Variants in AGAP1 observed in about 807,000 individuals in gnomAD.
The protein encoded by AGAP1 is ArfGAP with GTPase domain, ankyrin repeat and PH domain 1, also known as arf-GAP with GTPase, ANK repeat and PH domain-containing protein 1.
In AGAP1, 29 loss-of-function variants were observed where a neutral mutation model predicts 105.3. The ratio of observed to expected loss-of-function variants is 0.28; its 90% CI spans 0.21 to 0.38. The LOEUF (loss-of-function observed/expected upper bound fraction) is 0.38. Ranked by LOEUF, AGAP1 falls within the 10% of genes least tolerant of loss-of-function variation. AGAP1 has a pLI of 1.00. For synonymous variants in AGAP1, 509 were observed against 485.9 expected (o/e 1.05, Z -0.63); for missense variants, 998 against 1,165.1 (o/e 0.86, Z 2.09).
At chr2:236,017,950 C>T (rs187486744) in intron 13 of AGAP1, among the ~76,000 whole-genome samples, 14 of 152,174 alleles carry the variant, frequency 9.2e-5, no homozygotes, top group Admixed American at 7.2e-4. Context: ...CACAGATCCA[C>T]GTGGAAGGAG....
rs950127439 is a variant in AGAP1 at position 235,692,189 on chromosome 2, A to G, written c.164-16990A>G. On this transcript the variant is annotated intron_variant, in intron 1 of 17. Transcript: ENST00000304032. The surrounding 1 kb of genome is among the most constrained non-coding windows in gnomAD (Gnocchi z 5.8). Reference sequence around the variant, plus strand: ...CGGGGGCTCCCTGGCAGATGCCCCTACCTGGCCAGGTCTCGTCGTGTCTAG... The same window carrying G: ...CGGGGGCTCCCTGGCAGATGCCCCTGCCTGGCCAGGTCTCGTCGTGTCTAG... Among the ~76,000 whole-genome samples, 2 of 152,020 alleles carry G rather than the reference A, an allele frequency of 1.3e-5. No homozygotes were observed. Among genetic ancestry groups the G allele is most frequent in the African/African-American group, 4.8e-5 (2 of 41,400 alleles).
intron 16 of AGAP1, chr2:236,072,451 A>G (rs2058527067): frequency 6.6e-6 from 1 of 152,048 alleles, no homozygotes; most frequent in South Asian, 2.1e-4. Flanking sequence ...CTCAAAAAAA[A>G]AAAAAGAGAT....
intron 11 of AGAP1, among the ~76,000 whole-genome samples, chr2:235,916,014 C>A (rs1283062215): frequency 6.6e-6 from 1 of 152,076 alleles, no homozygotes; most frequent in Non-Finnish European, 1.5e-5. Context: ...ATATTCCCTC[C>A]TAAGGACAAA....
Position 235,882,384 on chromosome 2 carries a change from T to C in AGAP1, c.1051-961T>C, listed in dbSNP as rs1056558491. The C allele has an allele frequency of 3.9e-6, 6 of 1,535,960 alleles. No individual in the cohort carries two copies. The highest frequency in any genetic ancestry group is 3.5e-5 in the Admixed American group (2 of 57,568). On this transcript the variant is annotated intron_variant, in intron 9 of 17. Coordinates refer to ENST00000304032, the MANE Select transcript of AGAP1 (RefSeq NM_001037131.3). This position sits in a 1 kb window ranked among gnomAD's most constrained non-coding sequence, Gnocchi z 4.6. ...CTCTTAGGAAATTTCACTCCGCTTC[T>C]GCCCAGTGGTCTCTTTGGTCGGCAG...
chr2:236,097,453 C>T (rs543912343), intron 16 of AGAP1, among the ~76,000 whole-genome samples: 2 of 119,880 alleles, frequency 1.7e-5, no homozygotes, highest in African/African-American at 3.2e-5. Flanking sequence ...AGTGCAGTGG[C>T]GCGACCTTGG....
intron 3 of AGAP1, among the ~76,000 whole-genome samples, chr2:235,730,477 T>TAAAAAA (rs11388954): frequency 3.2e-5 from 4 of 123,890 alleles, no homozygotes; most frequent in South Asian, 2.8e-4. Flanking sequence ...GTTTACCTTT[T>TAAAAAA]AAAAAAAAAA....
chr2:235,981,375 T>A lies in AGAP1; in HGVS notation c.1645+12752T>A, dbSNP rs2055087449. On this transcript the variant is annotated intron_variant, in intron 13 of 17. Transcript: ENST00000304032. This position sits in a 1 kb window ranked among gnomAD's most constrained non-coding sequence, Gnocchi z 5.5. ...TTCAGTTGGTTTTCTGCAGAAGCCA[T>A]GATATACTGTAGGCATGGTTACCAG... Among the ~76,000 whole-genome samples the A allele has an allele frequency of 6.6e-6, 1 of 152,084 alleles. No homozygotes were observed.
At chr2:235,542,217 C>G (rs970824873) in intron 1 of AGAP1, among the ~76,000 whole-genome samples, 4 of 149,168 alleles carry the variant, frequency 2.7e-5, no homozygotes, top group South Asian at 2.2e-4. Flanking sequence ...CAGTGGGTCC[C>G]GGGGGGGGGC....
rs143315141 is a variant in AGAP1 at position 235,604,184 on chromosome 2, A to G, written c.164-104995A>G. Among the ~76,000 whole-genome samples the G allele has an allele frequency of 6.5e-3, 983 of 152,168 alleles. 11 individuals carry two copies. Among genetic ancestry groups the G allele is most frequent in the African/African-American group, 0.023 (956 of 41,488 alleles). ...TTGGTTCAGATGTATCATTCCTCCA[A>G]TTGGCATATATAAAAAGAATAGTGT... On this transcript the variant is annotated intron_variant, in intron 1 of 17. Transcript: ENST00000304032.
Position 235,705,760 on chromosome 2 carries a change from A to G in AGAP1, c.164-3419A>G, listed in dbSNP as rs1382048207. Among the ~76,000 whole-genome samples the G allele has an allele frequency of 1.3e-5, 2 of 152,240 alleles. No homozygotes were observed. Among genetic ancestry groups the G allele is most frequent in the African/African-American group, 2.4e-5 (1 of 41,474 alleles). ...CATTTATTTTATTACTCTTATTGCC[A>G]CAAACACAAATATGTTCCATTCAAG... On this transcript the variant is annotated intron_variant, in intron 1 of 17. Coordinates refer to ENST00000304032, the MANE Select transcript of AGAP1 (RefSeq NM_001037131.3). The surrounding 1 kb of genome is among the most constrained non-coding windows in gnomAD (Gnocchi z 4.9).
Position 236,040,977 on chromosome 2 carries a change from T to A in AGAP1, c.1891+136T>A. 4.6e-5 allele frequency: 33 copies of A among 724,148 alleles called. No individual in the cohort carries two copies. The highest frequency in any genetic ancestry group is 6.7e-5 in the Non-Finnish European group (29 of 434,062). The allele number at this position is 724,148 out of a possible 1,614,324, so 44.9% of individuals were successfully genotyped here. ...GTTAACTGCTTTTAGGAAATTGAGATATTTTGTTTGGATTTTACCTTAACA... is the reference window on the plus strand; with the variant it reads ...GTTAACTGCTTTTAGGAAATTGAGAAATTTTGTTTGGATTTTACCTTAACA... On this transcript the variant is annotated intron_variant, in intron 15 of 17. Transcript: ENST00000304032. The surrounding 1 kb of genome is among the most constrained non-coding windows in gnomAD (Gnocchi z 5.6).
intron 12 of AGAP1, among the ~76,000 whole-genome samples, chr2:235,968,088 A>G (rs2054482375): frequency 6.6e-6 from 1 of 152,244 alleles, no homozygotes; most frequent in South Asian, 2.1e-4. Context: ...TCTTAAATGC[A>G]TCGTTTTCAT....
chr2:235,788,718 T>C lies in AGAP1; in HGVS notation c.674-9041T>C, dbSNP rs1439511706. Among the ~76,000 whole-genome samples the C allele has an allele frequency of 1.3e-5, 2 of 152,036 alleles. No homozygotes were observed. The highest frequency in any genetic ancestry group is 2.9e-5 in the Non-Finnish European group (2 of 67,994). On this transcript the variant is annotated intron_variant, in intron 6 of 17. Transcript: ENST00000304032. The surrounding 1 kb of genome is among the most constrained non-coding windows in gnomAD (Gnocchi z 6.0). The stretch of plus-strand genomic sequence containing the variant: ...CCGAGGGTTCTCCAGACAGGATCAT[T>C]TGGAGCCCCTTCTTTCCCAAATGGT...
At chr2:236,013,058 A>G (rs2317303) in intron 13 of AGAP1, among the ~76,000 whole-genome samples, 99,806 of 152,084 alleles carry the variant, frequency 0.66, 34,153 homozygotes, top group African/African-American at 0.85. Context: ...TGATTTTCAC[A>G]CTGCAAAGGA....
rs2054335180 is a variant in AGAP1 at position 235,965,048 on chromosome 2, C to T, written c.1484-3414C>T. 6.6e-6 allele frequency among the ~76,000 whole-genome samples: 1 copy of T among 152,182 alleles called. No homozygotes were observed. The highest frequency in any genetic ancestry group is 6.5e-5 in the Admixed American group (1 of 15,284). The stretch of plus-strand genomic sequence containing the variant: ...GTCATAGTGCAGGCTCAGGGGGTCT[C>T]AGGACTGCTGGCTACACCTCGGGTA... On this transcript the variant is annotated intron_variant, in intron 12 of 17. Coordinates refer to ENST00000304032, the MANE Select transcript of AGAP1 (RefSeq NM_001037131.3). This position sits in a 1 kb window ranked among gnomAD's most constrained non-coding sequence, Gnocchi z 5.8.
At chr2:235,812,486 C>T (rs1289371624) in intron 9 of AGAP1, among the ~76,000 whole-genome samples, 1 of 152,198 alleles carries the variant, frequency 6.6e-6, no homozygotes, top group Non-Finnish European at 1.5e-5. Flanking sequence ...TTGTCTGGTA[C>T]CTGGGATCAA....
intron 9 of AGAP1, among the ~76,000 whole-genome samples, chr2:235,840,287 C>T (rs1960661766): frequency 6.6e-6 from 1 of 151,116 alleles, no homozygotes; most frequent in South Asian, 2.1e-4. Context: ...AGCCGCTGTC[C>T]ATTCTGATGG....
intron 1 of AGAP1, among the ~76,000 whole-genome samples, chr2:235,707,780 C>T (rs974156635): frequency 1.3e-5 from 2 of 148,462 alleles, no homozygotes; most frequent in African/African-American, 5.0e-5. Flanking sequence ...GGATGTGCTC[C>T]CTCCCCAGCG....
rs190266583 is a variant in AGAP1, at chr2:235,793,550, C to A, written c.674-4209C>A. On this transcript the variant is annotated intron_variant, in intron 6 of 17. Transcript: ENST00000304032. This position sits in a 1 kb window ranked among gnomAD's most constrained non-coding sequence, Gnocchi z 5.3. ...CCGTCGGATTGCTCTGGTGCACTTG[C>A]TGCCTGGTTTTTCTCACCTGCAAAA... is the stretch of plus-strand genomic sequence containing the variant. Among the ~76,000 whole-genome samples, 1 of 152,242 alleles carries A rather than the reference C, an allele frequency of 6.6e-6. No individual in the cohort carries two copies. Among genetic ancestry groups the A allele is most frequent in the South Asian group, 2.1e-4 (1 of 4,828 alleles).
Sources: gnomAD v4.1 joint callset for allele counts (sites outside exome capture counted in the v4.1 genomes callset) on GRCh38, gnomAD v4.1.1 for gene constraint, Gnocchi (gnomAD v3.1) non-coding constraint, MANE v1.5 for transcripts, NCBI Gene and HGNC (gene_info 2026-07-23, HGNC 2026-07-21) for gene names.